Variants in WDR64 observed in about 807,000 individuals in gnomAD.
WDR64 encodes WD repeat domain 64.
In WDR64, 112 loss-of-function variants were observed where a neutral mutation model predicts 139.3. The observed-to-expected ratio is 0.80, with a 90% CI of 0.69 to 0.94. The LOEUF is 0.94. WDR64 is among the 40% of genes least tolerant of loss of function. The pLI, the probability that WDR64 is intolerant of heterozygous loss-of-function variation, is 0.00. For missense variants in WDR64, 1,206 were observed against 1,293.1 expected (o/e 0.93, Z 1.03); for synonymous variants, 444 against 437.7 (o/e 1.01, Z -0.18).
chr1:241,653,598 A>G (rs899034864), intron 1 of WDR64, among the ~76,000 whole-genome samples: 169 of 147,686 alleles, frequency 1.1e-3, no homozygotes, highest in African/African-American at 3.8e-3. Flanking sequence ...GGCTGGAGTG[A>G]AATGGTGCGA....
chr1:241,775,007 G>A, intron 20 of WDR64, 98 bp from the exon 21 acceptor site: 1 of 906,034 alleles, frequency 1.1e-6, no homozygotes, highest in Non-Finnish European at 1.7e-6. Context: ...GATAATTCTT[G>A]AGATGCATTA....
chr1:241,772,451 C>CTTTTTTTTTTTTTTTTTTTTT lies in WDR64; in HGVS notation c.2291-332_2291-312dup, dbSNP rs534177884. Among the ~76,000 whole-genome samples, 7 of 59,054 alleles carry CTTTTTTTTTTTTTTTTTTTTT rather than the reference C, an allele frequency of 1.2e-4. 1 individual carries two copies. The highest frequency in any genetic ancestry group is 1.8e-4 in the Non-Finnish European group (6 of 33,490). 38.7% of individuals were successfully genotyped at this position (59,054 alleles called of 152,430 possible). A position where few individuals can be genotyped will look rare whatever the true frequency, so the allele number is the denominator to read the frequency against. On this transcript the variant is annotated intron_variant, in intron 19 of 27. Transcript: ENST00000437684. ...AGTATTGCAAATTCCAAGATAGATCCTTTTTTTTTTTTTTTTTTTTTTTTT... is the reference window on the plus strand; with the variant it reads ...AGTATTGCAAATTCCAAGATAGATCCTTTTTTTTTTTTTTTTTTTTTTTTTTTTTTTTTTTTTTTTTTTTTT...
rs58720618 is a variant in WDR64 at position 241,784,953 on chromosome 1, G to GAAAAAAAAAAAAAAAAAAAA, written c.2705+1576_2705+1595dup. On this transcript the variant is annotated intron_variant, in intron 23 of 27. Coordinates refer to ENST00000437684, the MANE Select transcript of WDR64 (RefSeq NM_001367482.1). ...TGGGCGACAGAGTGAGACTCTGTCT[G>GAAAAAAAAAAAAAAAAAAAA]AAAAAAAAAAAAAAAAAAAAAAAGA... 1.1e-3 allele frequency among the ~76,000 whole-genome samples: 71 copies of GAAAAAAAAAAAAAAAAAAAA among 62,240 alleles called. 1 individual carries two copies. Among genetic ancestry groups the GAAAAAAAAAAAAAAAAAAAA allele is most frequent in the African/African-American group, 1.9e-3 (35 of 18,462 alleles). The allele number at this position is 62,240 out of a possible 152,430, so 40.8% of individuals were successfully genotyped here. A position where few individuals can be genotyped will look rare whatever the true frequency, so the allele number is the denominator to read the frequency against.
chr1:241,717,841 C>T (rs1051837209), intron 9 of WDR64, among the ~76,000 whole-genome samples: 3 of 152,036 alleles, frequency 2.0e-5, no homozygotes, highest in African/African-American at 7.2e-5. Context: ...GTTCCTCTCC[C>T]CTAAATATAA....
At chr1:241,744,904 G>T (rs1237713936) in intron 13 of WDR64, among the ~76,000 whole-genome samples, 3 of 152,112 alleles carry the variant, frequency 2.0e-5, no homozygotes, top group African/African-American at 4.8e-5. Flanking sequence ...TAGATTTCTG[G>T]ACCAGACAAA....
chr1:241,773,889 GGTGTATTAGA>G (rs1658555110), intron 20 of WDR64, among the ~76,000 whole-genome samples: 1 of 152,134 alleles, frequency 6.6e-6, no homozygotes, highest in Admixed American at 6.5e-5. Context: ...GGATATTAAT[GGTGTATTAGA>G]GTAAAAGAAT....
intron 12 of WDR64, among the ~76,000 whole-genome samples, chr1:241,742,242 C>G (rs1334449918): frequency 7.0e-6 from 1 of 143,864 alleles, no homozygotes; most frequent in Non-Finnish European, 1.5e-5. Flanking sequence ...CATGCCCTTT[C>G]TGCTGCATTT....
At chr1:241,660,788 C>A in intron 2 of WDR64, 128 bp downstream of exon 2, 1 of 1,008,784 alleles carries the variant, frequency 9.9e-7, no homozygotes, top group Admixed American at 2.5e-5. Context: ...GTTTCAATAC[C>A]TACACCCATT....
chr1:241,693,785 G>A (rs1667388987), intron 8 of WDR64, among the ~76,000 whole-genome samples: 2 of 152,096 alleles, frequency 1.3e-5, no homozygotes, highest in South Asian at 4.2e-4. Context: ...ATATTATTCG[G>A]ATTTAGCCTT....
At position 241,784,953 on chromosome 1, in the gene WDR64, G is replaced by GGAAAAAAAAAA. The variant is rs766802128; in HGVS notation, c.2705+1572_2705+1573insGAAAAAAAAAA. ...TGGGCGACAGAGTGAGACTCTGTCT[G>GGAAAAAAAAAA]AAAAAAAAAAAAAAAAAAAAAAAGA... is the stretch of plus-strand genomic sequence containing the variant. On this transcript the variant is annotated intron_variant, in intron 23 of 27. Coordinates refer to ENST00000437684, the MANE Select transcript of WDR64 (RefSeq NM_001367482.1). 2.1e-3 allele frequency among the ~76,000 whole-genome samples: 129 copies of GGAAAAAAAAAA among 62,230 alleles called. 13 individuals carry two copies. Among genetic ancestry groups the GGAAAAAAAAAA allele is most frequent in the East Asian group, 3.6e-3 (6 of 1,646 alleles). 40.8% of individuals were successfully genotyped at this position (62,230 alleles called of 152,430 possible). A position where few individuals can be genotyped will look rare whatever the true frequency, so the allele number is the denominator to read the frequency against.
Position 241,802,747 on chromosome 1 carries a change from C to T in WDR64, c.*1532C>T, listed in dbSNP as rs974765431. ...TTATGGAATCTAGGTGGTAGGAATA[C>T]AGGTATTCATTAAAGAACTCTTTCA... On this transcript the variant is annotated 3_prime_UTR_variant, in exon 28 of 28. Coordinates refer to ENST00000437684, the MANE Select transcript of WDR64 (RefSeq NM_001367482.1). Among the ~76,000 whole-genome samples, 5 of 151,928 alleles carry T rather than the reference C, an allele frequency of 3.3e-5. No individual in the cohort carries two copies. Among genetic ancestry groups the T allele is most frequent in the Admixed American group, 6.6e-5 (1 of 15,246 alleles).
At chr1:241,792,322 G>A (rs1342620248) in intron 25 of WDR64, among the ~76,000 whole-genome samples, 2 of 152,156 alleles carry the variant, frequency 1.3e-5, no homozygotes, top group Non-Finnish European at 2.9e-5. Flanking sequence ...AGATCACGAG[G>A]TCAGGAGATC....
intron 10 of WDR64, among the ~76,000 whole-genome samples, chr1:241,733,729 C>T (rs974979493): frequency 2.0e-5 from 3 of 151,698 alleles, no homozygotes; most frequent in African/African-American, 4.8e-5. Context: ...GTAGAAGCCA[C>T]CTGTCCTCCT....
intron 14 of WDR64, 73 bp downstream of exon 14, chr1:241,749,795 C>T (rs1669912856): frequency 2.0e-6 from 3 of 1,519,244 alleles, no homozygotes; most frequent in South Asian, 2.4e-5. Context: ...GTGGATAATC[C>T]CCACCATGTA....
At chr1:241,767,230 G>T (rs1658213369) in intron 16 of WDR64, among the ~76,000 whole-genome samples, 1 of 152,130 alleles carries the variant, frequency 6.6e-6, no homozygotes, top group Admixed American at 6.6e-5. Flanking sequence ...TTACAGATTG[G>T]GGCTAACAAG....
intron 9 of WDR64, among the ~76,000 whole-genome samples, chr1:241,713,589 AG>A (rs1668282963): frequency 1.3e-5 from 2 of 151,790 alleles, no homozygotes; most frequent in Non-Finnish European, 2.9e-5. Flanking sequence ...ATGGTGTTTG[AG>A]ATTGATTGAG....
intron 12 of WDR64, 151 bp downstream of exon 12, chr1:241,741,815 T>C: frequency 1.1e-6 from 1 of 904,192 alleles, no homozygotes; most frequent in Non-Finnish European, 1.5e-6. Context: ...CATGAGTACG[T>C]GAAAAACAAG....
Position 241,687,504 on chromosome 1 carries a change from T to C in WDR64, c.883T>C (p.Tyr295His). ...LHNDWVMKIR[Y>H]ISALNCFGSC... Reference sequence around the variant, plus strand: ...TAATGACTGGGTTATGAAAATTAGATATATTTCAGCCCTAAATTGTTTTGG... The same window carrying C: ...TAATGACTGGGTTATGAAAATTAGACATATTTCAGCCCTAAATTGTTTTGG... The change falls in exon 8 of 28, where the codon TAT (tyrosine) becomes CAT (histidine). Residue 295 changes from tyrosine (Y) to histidine (H), a missense_variant. Coordinates refer to ENST00000437684, the MANE Select transcript of WDR64 (RefSeq NM_001367482.1). 1 of 1,613,938 alleles carries C rather than the reference T, an allele frequency of 6.2e-7. No individual in the cohort carries two copies. The highest frequency in any genetic ancestry group is 8.5e-7 in the Non-Finnish European group (1 of 1,179,910).
At chr1:241,683,327 C>A (rs6669380) in intron 6 of WDR64, among the ~76,000 whole-genome samples, 160 bp from the exon 7 acceptor site, 3,415 of 152,214 alleles carry the variant, frequency 0.022, 128 homozygotes, top group African/African-American at 0.078. Context: ...TGTTCTGTAA[C>A]TTTTATTTGG....
Sources: allele counts gnomAD v4.1 joint callset (sites outside exome capture counted in the v4.1 genomes callset), GRCh38; gene constraint gnomAD v4.1.1; transcripts MANE v1.5; gene names NCBI Gene and HGNC (gene_info 2026-07-23, HGNC 2026-07-21).